MUC5B: variants seen among roughly 807,000 people sequenced by gnomAD.
MUC5B encodes mucin 5B, oligomeric mucus/gel-forming, also known as mucin-5B.
In MUC5B, 116 loss-of-function variants were observed where a neutral mutation model predicts 376.9. That is an observed-to-expected ratio of 0.31 (90% CI 0.26 to 0.36). The LOEUF (loss-of-function observed/expected upper bound fraction) is 0.36. Among genes scored for constraint, MUC5B ranks in the 10% least tolerant of loss-of-function variants. MUC5B has a pLI of 1.00. For missense variants in MUC5B, 7,165 were observed against 7,769.9 expected, an observed-to-expected ratio of 0.92 and a Z score of 2.93; for synonymous variants, 3,517 against 3,390.9, an observed-to-expected ratio of 1.04 and a Z score of -1.29.
intron 34 of MUC5B, 35 bp downstream of exon 34, chr11:1,254,386 C>T (rs1862779299): frequency 6.3e-7 from 1 of 1,591,656 alleles, no homozygotes; most frequent in Non-Finnish European, 8.5e-7. Flanking sequence ...AGTGTTGGCC[C>T]AGTCCCAACC....
Position 1,242,095 on chromosome 11 carries a change from G to A in MUC5B, c.5215G>A (p.Glu1739Lys). Residue 1739 changes from glutamate to lysine, a missense_variant, in exon 31 of 49, where the codon GAG (glutamate) becomes AAG (lysine). Glu to Lys is a moderately conservative substitution (Grantham distance 56). Transcript: ENST00000529681. ...PTGTASTASK[E>K]PLTTSLAPTL... ...AGGCACAGCCAGCACCGCTTCCAAA[G>A]AGCCGCTGACCACGAGCCTGGCGCC... is the stretch of plus-strand genomic sequence containing the variant. 1 of 1,612,498 alleles carries A rather than the reference G, an allele frequency of 6.2e-7. No individual in the cohort carries two copies. The highest frequency in any genetic ancestry group is 1.3e-5 in the African/African-American group (1 of 75,006).
Position 1,245,602 on chromosome 11 carries a change from G to T in MUC5B, c.8722G>T (p.Val2908Phe), listed in dbSNP as rs745678847. 6.3e-7 allele frequency: 1 copy of T among 1,587,758 alleles called. No individual in the cohort carries two copies. Among genetic ancestry groups the T allele is most frequent in the South Asian group, 1.1e-5 (1 of 89,552 alleles). The change falls in exon 31 of 49, where the codon GTC becomes TTC. Residue 2908 changes from valine to phenylalanine, a missense_variant. Physicochemically the swap from Val to Phe is conservative, Grantham distance 50. Coordinates refer to ENST00000529681, the MANE Select transcript of MUC5B (RefSeq NM_002458.3). ...YSNIRAAGGAVCEQPLGLECR... is the reference protein window; with the variant it reads ...YSNIRAAGGAFCEQPLGLECR... The stretch of plus-strand genomic sequence containing the variant: ...CAACATCCGTGCGGCCGGAGGGGCC[G>T]TCTGTGAGCAGCCCCTGGGCCTCGA...
Position 1,247,691 on chromosome 11 carries a change from C to T in MUC5B, c.10811C>T (p.Ala3604Val). ...GACACCTACTCCAACATCCGTGCGG[C>T]CGGAGGGGCAGTCTGTGAGCAGCCC... is the stretch of plus-strand genomic sequence containing the variant. ...DFDTYSNIRA[A>V]GGAVCEQPLG... Residue 3604 changes from alanine (A) to valine (V), a missense_variant, in exon 31 of 49, where the codon GCC becomes GTC. Physicochemically the swap from Ala to Val is moderately conservative, Grantham distance 64. Around this residue, in one of 31 missense-constraint regions of MUC5B, gnomAD observed 81 missense variants for 154.5 expected, o/e 0.52. Coordinates refer to ENST00000529681, the MANE Select transcript of MUC5B (RefSeq NM_002458.3). 6.3e-7 allele frequency: 1 copy of T among 1,583,968 alleles called. No homozygotes were observed. Among genetic ancestry groups the T allele is most frequent in the South Asian group, 1.1e-5 (1 of 89,642 alleles).
chr11:1,260,202 C>T (rs1862960234), intron 46 of MUC5B, 117 bp downstream of exon 46: 1 of 1,441,580 alleles, frequency 6.9e-7, no homozygotes, highest in Admixed American at 2.2e-5. Flanking sequence ...GAGGCCCCAC[C>T]CCTGCCTGGG....
intron 18 of MUC5B, 46 bp from the exon 19 acceptor site, chr11:1,233,747 C>A (rs1173784066): frequency 6.4e-7 from 1 of 1,563,438 alleles, no homozygotes; most frequent in Admixed American, 1.9e-5. Context: ...GTGGGGTCTG[C>A]GGGGTGAGGG....
chr11:1,260,183 C>A, intron 46 of MUC5B, 98 bp downstream of exon 46: 3 of 1,411,454 alleles, frequency 2.1e-6, no homozygotes, highest in Non-Finnish European at 2.9e-6. Context: ...AGGCCCCACC[C>A]CTGCTGGGGA....
chr11:1,229,036 A>G, intron 8 of MUC5B, 134 bp from the exon 9 acceptor site: 1 of 1,137,494 alleles, frequency 8.8e-7, no homozygotes, highest in Admixed American at 3.0e-5. Context: ...GAGGGGCGTC[A>G]GGGCCACCCT....
In MUC5B at chr11:1,234,738, C is replaced by T. The variant is rs1284666186; in HGVS notation, c.2630+58C>T. ...GGGAGGGCGGGGGCGGGGAGGGCAG[C>T]GGGTGGGGAGGCAGCGGGCAGGGAG... On this transcript the variant is annotated intron_variant, in intron 21 of 48. Coordinates refer to ENST00000529681, the MANE Select transcript of MUC5B (RefSeq NM_002458.3). The surrounding 1 kb of genome is among the most constrained non-coding windows in gnomAD (Gnocchi z 6.3). 5.2e-4 allele frequency: 29 copies of T among 55,416 alleles called. No homozygotes were observed. Among genetic ancestry groups the T allele is most frequent in the Admixed American group, 2.6e-3 (9 of 3,426 alleles). The allele number at this position is 55,416 out of a possible 1,614,324, so 3.4% of individuals were successfully genotyped here.
In MUC5B at chr11:1,243,573, C is replaced by A. The variant is rs777755301; in HGVS notation, c.6693C>A (p.Ser2231=). 10 of 1,608,582 alleles carry A rather than the reference C, an allele frequency of 6.2e-6. No homozygotes were observed. Among genetic ancestry groups the A allele is most frequent in the Non-Finnish European group, 5.1e-6 (6 of 1,178,430 alleles). The change falls in exon 31 of 49, where the codon TCC becomes TCA. Residue 2231 remains serine (S), a synonymous_variant. Transcript: ENST00000529681. ...GCACCACCCACATCACAGAGCCTTCCACGGTGACTTCCCACACCCTAGCAG... is the reference window on the plus strand; with the variant it reads ...GCACCACCCACATCACAGAGCCTTCAACGGTGACTTCCCACACCCTAGCAG... The part of the protein sequence containing the change: ...ILGTTHITEP[S]TVTSHTLAAT...
At chr11:1,225,617 G>C in intron 1 of MUC5B, 64 bp from the exon 2 acceptor site, 2 of 1,471,940 alleles carry the variant, frequency 1.4e-6, no homozygotes, top group Non-Finnish European at 1.9e-6. Context: ...CCAGGTCCGT[G>C]GTTGGGTTCG....
In MUC5B at chr11:1,249,422, G is replaced by T. The variant is rs550662885; in HGVS notation, c.12542G>T (p.Gly4181Val). 6 of 1,611,424 alleles carry T rather than the reference G, an allele frequency of 3.7e-6. No homozygotes were observed. The South Asian group carries it at 6.6e-5, about 18-fold the overall frequency. Residue 4181 changes from glycine to valine, a missense_variant, in exon 31 of 49, where the codon GGT (glycine) becomes GTT (valine). By Grantham distance (109) the Gly-to-Val change is moderately radical. Around this residue, in one of 31 missense-constraint regions of MUC5B, gnomAD observed 34 missense variants for 25.7 expected, o/e 1.32. Coordinates refer to ENST00000529681, the MANE Select transcript of MUC5B (RefSeq NM_002458.3). ...GAGTGCCGTGCCCAGGCCCAGCCTG[G>T]TGTCCCCCTGGGGGAGTTGGGCCAG... Reference protein sequence around the residue: ...GLECRAQAQPGVPLGELGQVV... With the variant: ...GLECRAQAQPVVPLGELGQVV...
rs565861163 is a variant in MUC5B, at chr11:1,228,738, C to T, written c.949C>T (p.Arg317Trp). Residue 317 changes from arginine to tryptophan, a missense_variant, in exon 8 of 49, where the codon CGG (arginine) becomes TGG (tryptophan). By Grantham distance (101) the Arg-to-Trp change is moderately radical. Transcript: ENST00000529681. ...RQCAHAGGQP[R>W]NWRCPELCPR... ...GTGCGCCCACGCGGGGGGCCAGCCG[C>T]GGAACTGGAGGTGCCCTGAGCTCTG... The T allele has an allele frequency of 4.6e-6, 7 of 1,519,876 alleles. No individual in the cohort carries two copies. The highest frequency in any genetic ancestry group is 2.5e-5 in the East Asian group (1 of 40,374). 94.1% of individuals were successfully genotyped at this position (1,519,876 alleles called of 1,614,324 possible).
chr11:1,258,251 G>A lies in MUC5B; in HGVS notation c.16555+48G>A, dbSNP rs201689825. The A allele has an allele frequency of 1.3e-6, 2 of 1,577,458 alleles. No homozygotes were observed. On this transcript the variant is annotated intron_variant, in intron 42 of 48. Transcript: ENST00000529681. This position sits in a 1 kb window ranked among gnomAD's most constrained non-coding sequence, Gnocchi z 5.5. ...TCCTGGGTGGCCTCTTGCTGGGGGT[G>A]GGGGAGTGCAGGATGGTGGGGGCGC...
intron 37 of MUC5B, 89 bp from the exon 38 acceptor site, chr11:1,256,067 G>A (rs1028453188): frequency 1.4e-5 from 9 of 650,832 alleles, no homozygotes; most frequent in African/African-American, 1.9e-5. Context: ...CAGACTCCTC[G>A]GCCTCTCTGA....
At chr11:1,235,250 C>G (rs1477679098) in intron 22 of MUC5B, 27 bp downstream of exon 22, 1 of 1,611,234 alleles carries the variant, frequency 6.2e-7, no homozygotes, top group Non-Finnish European at 8.5e-7. Context: ...CCCACTCCTG[C>G]AGGCCGGGCA....
Position 1,228,578 on chromosome 11 carries a change from C to A in MUC5B, c.789C>A (p.His263Gln). 1 of 1,526,284 alleles carries A rather than the reference C, an allele frequency of 6.6e-7. No individual in the cohort carries two copies. Among genetic ancestry groups the A allele is most frequent in the Non-Finnish European group, 8.8e-7 (1 of 1,140,636 alleles). 94.5% of individuals were successfully genotyped at this position (1,526,284 alleles called of 1,614,324 possible). The change falls in exon 8 of 49, where the codon CAC (histidine) becomes CAA (glutamine). Residue 263 changes from histidine (H) to glutamine (Q), a missense_variant. Transcript: ENST00000529681. ...GNCTDEEGIC[H>Q]RTLLGPAFAE... ...GTGCTCCCCAGGAGGGCATCTGCCA[C>A]CGCACCCTGCTGGGGCCGGCCTTTG...
At chr11:1,231,844 G>A (rs760415) in intron 14 of MUC5B, among the ~76,000 whole-genome samples, 152 bp from the exon 15 acceptor site, 10 of 152,330 alleles carry the variant, frequency 6.6e-5, no homozygotes, top group South Asian at 2.1e-4. Flanking sequence ...GGCGCCCCCC[G>A]CCAGGGCTTA....
In MUC5B at chr11:1,237,092, C is replaced by A; in HGVS notation, c.3225C>A (p.Pro1075=). 6.4e-7 allele frequency: 1 copy of A among 1,556,318 alleles called. No homozygotes were observed. Among genetic ancestry groups the A allele is most frequent in the Non-Finnish European group, 8.7e-7 (1 of 1,148,946 alleles). ...LAPKDPCTAN[P]FRKSWAQKQC... ...CCAAGGACCCCTGCACGGCCAACCC[C>A]TTCCGCAAGTCCTGGGCCCAGAAGC... is the stretch of plus-strand genomic sequence containing the variant. Residue 1075 remains proline (P), a synonymous_variant, in exon 25 of 49, where the codon CCC becomes CCA. Transcript: ENST00000529681.
Position 1,244,156 on chromosome 11 carries a change from C to T in MUC5B, c.7276C>T (p.Pro2426Ser). The stretch of plus-strand genomic sequence containing the variant: ...CCCGGCCACCAGCTCTACGGCCATG[C>T]CCTCCTCCACTCCGGGGACGACCTG... ...STPATSSTAM[P>S]SSTPGTTWIL... Residue 2426 changes from proline to serine, a missense_variant, in exon 31 of 49, where the codon CCC becomes TCC. Transcript: ENST00000529681. 6.2e-7 allele frequency: 1 copy of T among 1,613,426 alleles called. No homozygotes were observed. Among genetic ancestry groups the T allele is most frequent in the South Asian group, 1.1e-5 (1 of 91,046 alleles).
Sources: gnomAD v4.1 joint callset for allele counts (sites outside exome capture counted in the v4.1 genomes callset) on GRCh38, gnomAD v4.1.1 for gene constraint, gnomAD v4.1.1 regional missense constraint, Gnocchi (gnomAD v3.1) non-coding constraint, MANE v1.5 for transcripts, NCBI Gene and HGNC (gene_info 2026-07-23, HGNC 2026-07-21) for gene names.